PPP4R2: variants seen among roughly 807,000 people sequenced by gnomAD.
The protein encoded by PPP4R2 is serine/threonine-protein phosphatase 4 regulatory subunit 2.
PPP4R2 carries 13 observed loss-of-function variants against 47.2 expected under a neutral mutation model. The observed-to-expected ratio is 0.28, with a 90% CI of 0.18 to 0.44. PPP4R2 has a LOEUF of 0.44. PPP4R2 is among the 20% of genes least tolerant of loss of function. The pLI is 1.00. For missense variants in PPP4R2, 421 were observed against 491.2 expected (o/e 0.86, Z 1.35); for synonymous variants, 151 against 163.3 (o/e 0.92, Z 0.57).
chr3:73,003,332 C>T (rs1701522281), intron 2 of PPP4R2, among the ~76,000 whole-genome samples: 2 of 151,862 alleles, frequency 1.3e-5, no homozygotes, highest in Non-Finnish European at 2.9e-5. Flanking sequence ...GTGCCTCAGC[C>T]TCCTGAGTAG....
intron 2 of PPP4R2, among the ~76,000 whole-genome samples, chr3:73,005,379 T>TAG (rs764025492): frequency 3.4e-4 from 51 of 151,410 alleles, no homozygotes; most frequent in Non-Finnish European, 6.3e-4. Context: ...ACTGGTGGTG[T>TAG]AGTCTTTCAA....
At chr3:73,008,511 C>G (rs1345127488) in intron 2 of PPP4R2, among the ~76,000 whole-genome samples, 1 of 152,092 alleles carries the variant, frequency 6.6e-6, no homozygotes, top group African/African-American at 2.4e-5. Flanking sequence ...GGCTAGTTTC[C>G]TAATTGCATG....
At chr3:73,037,570 C>T (rs1487059203) in intron 2 of PPP4R2, among the ~76,000 whole-genome samples, 2 of 152,188 alleles carry the variant, frequency 1.3e-5, no homozygotes, top group African/African-American at 4.8e-5. Flanking sequence ...AAATATCCTA[C>T]AGTGCACACA....
At chr3:73,024,211 G>A (rs1206744555) in intron 2 of PPP4R2, among the ~76,000 whole-genome samples, 1 of 152,052 alleles carries the variant, frequency 6.6e-6, no homozygotes, top group African/African-American at 2.4e-5. Flanking sequence ...TATATATTTT[G>A]AAGATCTATG....
In PPP4R2 at chr3:73,068,634, CAGA is replaced by C. The variant is rs1703048578; in HGVS notation, c.*2915_*2917del. 1 of 152,312 alleles carries C rather than the reference CAGA, an allele frequency of 6.6e-6. No homozygotes were observed. Among genetic ancestry groups the C allele is most frequent in the South Asian group, 2.1e-4 (1 of 4,832 alleles). The allele number at this position is 152,312 out of a possible 1,614,324, so 9.4% of individuals were successfully genotyped here. A position where few individuals can be genotyped will look rare whatever the true frequency, so the allele number is the denominator to read the frequency against. Reference sequence around the variant, plus strand: ...GAAAGGCATCCCAGAAATCCTCGGCCAGAAGGTGTGGCTTGTTAAAGCATTGAG... The same window carrying C: ...GAAAGGCATCCCAGAAATCCTCGGCCAGGTGTGGCTTGTTAAAGCATTGAG... On this transcript the variant is annotated 3_prime_UTR_variant, in exon 9 of 9. Coordinates refer to ENST00000356692, the MANE Select transcript of PPP4R2 (RefSeq NM_174907.4).
chr3:73,067,770 T>C lies in PPP4R2; in HGVS notation c.*2048T>C, dbSNP rs1022061281. On this transcript the variant is annotated 3_prime_UTR_variant, in exon 9 of 9. Coordinates refer to ENST00000356692, the MANE Select transcript of PPP4R2 (RefSeq NM_174907.4). ...AGTTGAAGATTTAGCATTATGACTT[T>C]GAGGTCTGTGGTTTTATTTGTAAAC... The C allele has an allele frequency of 6.6e-6, 1 of 152,228 alleles. No individual in the cohort carries two copies. Among genetic ancestry groups the C allele is most frequent in the Non-Finnish European group, 1.5e-5 (1 of 68,022 alleles). 9.4% of individuals were successfully genotyped at this position (152,228 alleles called of 1,614,324 possible).
At chr3:73,004,865 GTGTGTTTGTT>G (rs1415117567) in intron 2 of PPP4R2, among the ~76,000 whole-genome samples, 23 of 51,706 alleles carry the variant, frequency 4.4e-4, no homozygotes, top group African/African-American at 7.1e-4. Context: ...GTGTGTGTGT[GTGTGTTTGTT>G]TGTTTGTTTG....
At chr3:73,005,848 C>A (rs1243105190) in intron 2 of PPP4R2, among the ~76,000 whole-genome samples, 6 of 76,576 alleles carry the variant, frequency 7.8e-5, no homozygotes, top group East Asian at 3.4e-4. Flanking sequence ...AAAAAAAAAT[C>A]AGTGTTATTG....
At chr3:73,063,451 C>A (rs1702918092) in intron 5 of PPP4R2, 1 of 413,080 alleles carries the variant, frequency 2.4e-6, no homozygotes, top group East Asian at 5.1e-5. Context: ...TGGCAAAACC[C>A]CGTCTCTACT....
chr3:73,001,677 A>G lies in PPP4R2; in HGVS notation c.116+3519A>G, dbSNP rs532208342. ...TTTTTTTGAGATGGAGTCTCGCCCT[A>G]TGCCACACTGGATCGTAGTGGCGCG... On this transcript the variant is annotated intron_variant, in intron 2 of 8. Coordinates refer to ENST00000356692, the MANE Select transcript of PPP4R2 (RefSeq NM_174907.4). Among the ~76,000 whole-genome samples the G allele has an allele frequency of 2.5e-4, 38 of 152,104 alleles. 1 individual carries two copies. Among genetic ancestry groups the G allele is most frequent in the African/African-American group, 8.7e-4 (36 of 41,486 alleles).
intron 2 of PPP4R2, among the ~76,000 whole-genome samples, chr3:73,044,540 T>C (rs1702445587): frequency 6.6e-6 from 1 of 152,148 alleles, no homozygotes; most frequent in Non-Finnish European, 1.5e-5. Flanking sequence ...GAGCCGAGGT[T>C]GCACCACCAC....
chr3:73,022,633 TATA>T (rs1346348726), intron 2 of PPP4R2, among the ~76,000 whole-genome samples: 2 of 152,222 alleles, frequency 1.3e-5, no homozygotes, highest in Non-Finnish European at 2.9e-5. Context: ...AGTTTAATCC[TATA>T]ATATCTTTGC....
chr3:73,020,163 T>C (rs1037754623), intron 2 of PPP4R2, among the ~76,000 whole-genome samples: 1 of 152,108 alleles, frequency 6.6e-6, no homozygotes. Flanking sequence ...ATAGTCAGGT[T>C]ATGTGGTAAG....
intron 2 of PPP4R2, among the ~76,000 whole-genome samples, chr3:73,026,732 A>G (rs1702072209): frequency 6.6e-6 from 1 of 152,092 alleles, no homozygotes; most frequent in Admixed American, 6.5e-5. Flanking sequence ...ATCAGCTATC[A>G]TTAGTGTTAG....
intron 2 of PPP4R2, among the ~76,000 whole-genome samples, chr3:73,033,899 C>CT (rs1485009659): frequency 1.3e-5 from 2 of 152,176 alleles, no homozygotes; most frequent in East Asian, 3.8e-4. Context: ...TAAGTCTGTA[C>CT]TTTTACTTCT....
At chr3:73,017,549 TAGAA>T (rs1449981078) in intron 2 of PPP4R2, among the ~76,000 whole-genome samples, 1 of 151,950 alleles carries the variant, frequency 6.6e-6, no homozygotes, top group Non-Finnish European at 1.5e-5. Context: ...ATATTGAGTC[TAGAA>T]AGAGTGAGAG....
intron 2 of PPP4R2, among the ~76,000 whole-genome samples, chr3:73,003,899 T>G (rs1351171931): frequency 6.6e-6 from 1 of 152,112 alleles, no homozygotes; most frequent in Non-Finnish European, 1.5e-5. Context: ...GGGGTTTCTC[T>G]GTGATGGCTG....
intron 5 of PPP4R2, chr3:73,062,016 C>A: frequency 8.6e-7 from 1 of 1,161,700 alleles, no homozygotes; most frequent in Non-Finnish European, 1.2e-6. Flanking sequence ...TTTTGTTTTG[C>A]TCATGAACGT....
At chr3:73,035,563 C>T (rs989894097) in intron 2 of PPP4R2, among the ~76,000 whole-genome samples, 1 of 152,198 alleles carries the variant, frequency 6.6e-6, no homozygotes, top group Non-Finnish European at 1.5e-5. Flanking sequence ...CTAGCAATCC[C>T]CACTGCTGGA....
Sources: gnomAD v4.1 joint callset for allele counts (sites outside exome capture counted in the v4.1 genomes callset) on GRCh38, gnomAD v4.1.1 for gene constraint, MANE v1.5 for transcripts, NCBI Gene and HGNC (gene_info 2026-07-23, HGNC 2026-07-21) for gene names.